Variants in CREBRF observed in about 807,000 individuals in gnomAD.
CREBRF encodes the protein UPF0474 protein C5orf41.
A neutral mutation model predicts 66.1 loss-of-function variants in CREBRF; 5 were observed. That is an observed-to-expected ratio of 0.08 (90% CI 0.04 to 0.16). The LOEUF is 0.16. Among genes scored for constraint, CREBRF ranks in the 10% least tolerant of loss-of-function variants. The probability of loss-of-function intolerance (pLI) is 1.00; values close to 1 mark genes in which losing one functional copy is unlikely to be tolerated. For synonymous variants in CREBRF, 229 were observed against 264.4 expected (o/e 0.87, Z 1.30); for missense variants, 531 against 744.9 (o/e 0.71, Z 3.34).
intron 6 of CREBRF, 70 bp downstream of exon 6, chr5:173,110,781 T>C: frequency 9.4e-7 from 1 of 1,068,614 alleles, no homozygotes; most frequent in Non-Finnish European, 1.4e-6. Context: ...AGTGAGTTTT[T>C]ATAGAAGGAC....
At chr5:173,117,743 C>T (rs1054079715) in intron 7 of CREBRF, among the ~76,000 whole-genome samples, 1 of 148,830 alleles carries the variant, frequency 6.7e-6, no homozygotes, top group Admixed American at 6.8e-5. Context: ...TCTTTCCTCG[C>T]TCTGTTGTCC....
chr5:173,123,029 A>G (rs1759178488), intron 7 of CREBRF, 51 bp from the exon 8 acceptor site: 3 of 1,522,692 alleles, frequency 2.0e-6, no homozygotes, highest in Non-Finnish European at 1.8e-6. Flanking sequence ...AATTAAAAGG[A>G]AAGTCTTTCA....
intron 1 of CREBRF, among the ~76,000 whole-genome samples, chr5:173,064,065 GT>G (rs1428558104): frequency 1.3e-5 from 2 of 151,168 alleles, no homozygotes; most frequent in Non-Finnish European, 2.9e-5. Context: ...AAAGCTTGCT[GT>G]TTTTTTTGTC....
chr5:173,061,524 C>T (rs1757273363), intron 1 of CREBRF, among the ~76,000 whole-genome samples: 1 of 152,176 alleles, frequency 6.6e-6, no homozygotes, highest in Non-Finnish European at 1.5e-5. Context: ...AAAACTTTGG[C>T]CCTAAGATAT....
At chr5:173,115,210 G>A (rs1206460720) in intron 7 of CREBRF, among the ~76,000 whole-genome samples, 2 of 151,254 alleles carry the variant, frequency 1.3e-5, no homozygotes, top group South Asian at 2.1e-4. Context: ...GGGTTCAAGC[G>A]ATTCTGTTGC....
intron 4 of CREBRF, chr5:173,092,414 A>G (rs1758371117): frequency 1.0e-6 from 1 of 985,344 alleles, no homozygotes; most frequent in Non-Finnish European, 1.2e-6. Flanking sequence ...GGTTCACTTT[A>G]GCATTTACAT....
intron 7 of CREBRF, among the ~76,000 whole-genome samples, chr5:173,113,110 A>G (rs1183084047): frequency 6.6e-6 from 1 of 152,110 alleles, no homozygotes; most frequent in African/African-American, 2.4e-5. Flanking sequence ...CTCCCACTGC[A>G]GCCTCCTGGG....
intron 4 of CREBRF, among the ~76,000 whole-genome samples, chr5:173,098,009 A>G (rs540104193): frequency 6.6e-6 from 1 of 151,418 alleles, no homozygotes; most frequent in South Asian, 2.1e-4. Flanking sequence ...GTTGTTTATT[A>G]CCATAAGATT....
At chr5:173,097,957 G>A (rs1758518308) in intron 4 of CREBRF, among the ~76,000 whole-genome samples, 1 of 151,192 alleles carries the variant, frequency 6.6e-6, no homozygotes, top group Admixed American at 6.6e-5. Flanking sequence ...GAGGTGTAAA[G>A]TTTGGTTGTT....
chr5:173,131,511 G>A (rs1299722354), intron 8 of CREBRF, among the ~76,000 whole-genome samples: 1 of 151,992 alleles, frequency 6.6e-6, no homozygotes, highest in African/African-American at 2.4e-5. Flanking sequence ...GAAAAATCCA[G>A]GTCTTGTAAA....
At chr5:173,127,490 C>T (rs1344828968) in intron 8 of CREBRF, among the ~76,000 whole-genome samples, 4 of 147,440 alleles carry the variant, frequency 2.7e-5, no homozygotes, top group Admixed American at 6.8e-5. Flanking sequence ...GATGGGGTCT[C>T]GCTGTGTCAC....
chr5:173,076,158 C>T (rs1409147442), intron 1 of CREBRF, among the ~76,000 whole-genome samples: 1 of 151,504 alleles, frequency 6.6e-6, no homozygotes, highest in East Asian at 1.9e-4. Flanking sequence ...ACACTGGCAT[C>T]TGTTGAGGGT....
In CREBRF at chr5:173,133,808, T is replaced by C; in HGVS notation, c.*63T>C. On this transcript the variant is annotated 3_prime_UTR_variant, in exon 9 of 9. Transcript: ENST00000296953. Reference sequence around the variant, plus strand: ...TTTGTCACGTTATCCATTGTAAATTTTCATTCTGTTTTGCATGTCAGTTAG... The same window carrying C: ...TTTGTCACGTTATCCATTGTAAATTCTCATTCTGTTTTGCATGTCAGTTAG... The C allele has an allele frequency of 2.3e-6, 2 of 861,458 alleles. No homozygotes were observed. Among genetic ancestry groups the C allele is most frequent in the South Asian group, 1.5e-5 (1 of 64,870 alleles). The allele number at this position is 861,458 out of a possible 1,614,324, so 53.4% of individuals were successfully genotyped here.
intron 1 of CREBRF, among the ~76,000 whole-genome samples, chr5:173,076,502 A>G (rs554102302): frequency 5.9e-4 from 89 of 152,070 alleles, no homozygotes; most frequent in Non-Finnish European, 9.3e-4. Flanking sequence ...TGTAATCCCA[A>G]CACTTTAGGA....
chr5:173,104,604 G>T (rs251233), intron 4 of CREBRF, among the ~76,000 whole-genome samples: 5 of 151,782 alleles, frequency 3.3e-5, no homozygotes, highest in Non-Finnish European at 5.9e-5. Context: ...TGCTTGAGCC[G>T]GGGAGGTCGA....
At chr5:173,068,507 G>A (rs1757500515) in intron 1 of CREBRF, among the ~76,000 whole-genome samples, 1 of 152,170 alleles carries the variant, frequency 6.6e-6, no homozygotes, top group Non-Finnish European at 1.5e-5. Flanking sequence ...TAAATTATAT[G>A]TAATTGTTTG....
Position 173,086,489 on chromosome 5 carries a change from A to C in CREBRF, c.10-12A>C, listed in dbSNP as rs750465383. 1.2e-6 allele frequency: 2 copies of C among 1,609,788 alleles called. No individual in the cohort carries two copies. Among genetic ancestry groups the C allele is most frequent in the Non-Finnish European group, 8.5e-7 (1 of 1,178,790 alleles). ...TCTTTAACTTTCTAAAATAAAAATC[A>C]CTCTGTTGTAGCCTAGTGTAAGCGG... On this transcript the variant is annotated splice_polypyrimidine_tract_variant and intron_variant, in intron 2 of 8. Coordinates refer to ENST00000296953, the MANE Select transcript of CREBRF (RefSeq NM_153607.3).
chr5:173,063,794 C>T (rs1230079743), intron 1 of CREBRF, among the ~76,000 whole-genome samples: 2 of 151,764 alleles, frequency 1.3e-5, no homozygotes, highest in African/African-American at 2.4e-5. Context: ...GTAATCTCTG[C>T]CCCTGCGACC....
intron 8 of CREBRF, among the ~76,000 whole-genome samples, chr5:173,129,866 G>A (rs978623787): frequency 2.6e-5 from 4 of 151,652 alleles, no homozygotes; most frequent in South Asian, 4.2e-4. Context: ...TCGCTCTGTC[G>A]CCCAGACTGG....
Sources: allele counts gnomAD v4.1 joint callset (sites outside exome capture counted in the v4.1 genomes callset), GRCh38; gene constraint gnomAD v4.1.1; transcripts MANE v1.5; gene names NCBI Gene and HGNC (gene_info 2026-07-23, HGNC 2026-07-21).